TPTE2: variants seen among roughly 807,000 people sequenced by gnomAD.
TPTE2 encodes transmembrane phosphoinositide 3-phosphatase and tensin homolog 2.
A neutral mutation model predicts 78.6 loss-of-function variants in TPTE2; 53 were observed. That is an observed-to-expected ratio of 0.67 (90% CI 0.54 to 0.85). The LOEUF is 0.85. Among genes scored for constraint, TPTE2 ranks in the 40% least tolerant of loss-of-function variants. The pLI, the probability that TPTE2 is intolerant of heterozygous loss-of-function variation, is 0.00. For synonymous variants in TPTE2, 175 were observed against 206.2 expected (o/e 0.85, Z 1.30); for missense variants, 461 against 623.0 (o/e 0.74, Z 2.77).
intron 1 of TPTE2, among the ~76,000 whole-genome samples, chr13:19,502,433 T>A (rs1868651528): frequency 6.6e-6 from 1 of 150,862 alleles, no homozygotes; most frequent in South Asian, 2.1e-4. Flanking sequence ...ATTAAGAAAA[T>A]GTGGCACATA....
chr13:19,444,279 C>T (rs4391911), intron 13 of TPTE2, among the ~76,000 whole-genome samples: 124,608 of 133,800 alleles, frequency 0.93, 58,216 homozygotes, highest in East Asian at 1. Flanking sequence ...TGCACTCCAG[C>T]CTGGGTGACA....
At chr13:19,436,330 C>T (rs1299040134) in intron 14 of TPTE2, 24 bp from the exon 18 acceptor site, 9 of 1,600,810 alleles carry the variant, frequency 5.6e-6, no homozygotes, top group African/African-American at 1.3e-5. Flanking sequence ...TACAATCCAA[C>T]CATGGTTCAT....
intron 1 of TPTE2, among the ~76,000 whole-genome samples, chr13:19,532,226 T>C (rs1870928984): frequency 6.6e-6 from 1 of 152,204 alleles, no homozygotes; most frequent in Non-Finnish European, 1.5e-5. Flanking sequence ...TTGTCTTTTA[T>C]ACCTGCTATG....
At chr13:19,448,265 G>A (rs1034049758) in intron 13 of TPTE2, among the ~76,000 whole-genome samples, 4 of 152,158 alleles carry the variant, frequency 2.6e-5, no homozygotes, top group African/African-American at 9.7e-5. Context: ...ATTGGTCTGG[G>A]CCAAGATATT....
At chr13:19,504,554 T>C (rs539204763), upstream of TPTE2, among the ~76,000 whole-genome samples, 21 of 152,248 alleles carry the variant, frequency 1.4e-4, no homozygotes, top group East Asian at 4.0e-3. Flanking sequence ...TTGCTCTGCA[T>C]AGGGTTTTCT....
chr13:19,443,397 C>CTTTTTTTTTTTTTTTTTCT (rs71092357), intron 13 of TPTE2, among the ~76,000 whole-genome samples: 1 of 129,910 alleles, frequency 7.7e-6, no homozygotes, highest in Non-Finnish European at 1.6e-5. Flanking sequence ...TTCTTTCTTT[C>CTTTTTTTTTTTTTTTTTCT]TTTTTTTTTT....
At chr13:19,459,210 G>A (rs1006095302) in intron 10 of TPTE2, among the ~76,000 whole-genome samples, 2 of 152,058 alleles carry the variant, frequency 1.3e-5, no homozygotes, top group Non-Finnish European at 2.9e-5. Flanking sequence ...TTGACTGCAT[G>A]CATGTCTCTT....
intron 10 of TPTE2, among the ~76,000 whole-genome samples, chr13:19,452,948 ATTT>A (rs555664678): frequency 6.7e-6 from 1 of 148,250 alleles, no homozygotes; most frequent in Non-Finnish European, 1.5e-5. Flanking sequence ...TGTCCTTCAT[ATTT>A]TTTTATTTTA....
chr13:19,470,056 G>A (rs1281127183), intron 6 of TPTE2, among the ~76,000 whole-genome samples: 1 of 151,698 alleles, frequency 6.6e-6, no homozygotes, highest in Non-Finnish European at 1.5e-5. Flanking sequence ...TAGGACTTCC[G>A]GTACTATGTT....
intron 1 of TPTE2, among the ~76,000 whole-genome samples, chr13:19,515,939 G>T (rs1869763742): frequency 6.6e-6 from 1 of 152,232 alleles, no homozygotes; most frequent in African/African-American, 2.4e-5. Context: ...GACATCCATA[G>T]ATGTGAACTC....
chr13:19,502,542 G>A (rs369892685), intron 1 of TPTE2, among the ~76,000 whole-genome samples: 11 of 148,924 alleles, frequency 7.4e-5, no homozygotes, highest in African/African-American at 2.7e-4. Flanking sequence ...GTAAACTATC[G>A]CAAGAACAAA....
At chr13:19,473,984 A>C in exon 6 of TPTE2, 1 of 1,609,150 alleles carries the variant, frequency 6.2e-7, no homozygotes, top group Non-Finnish European at 8.5e-7. Flanking sequence ...ATAGAACGAT[A>C]CTCCAAAGGA....
At chr13:19,459,026 C>T (rs1296697861) in intron 10 of TPTE2, among the ~76,000 whole-genome samples, 1 of 151,738 alleles carries the variant, frequency 6.6e-6, no homozygotes, top group African/African-American at 2.4e-5. Context: ...AACTAATTTA[C>T]ACACCCACCA....
intron 3 of TPTE2, among the ~76,000 whole-genome samples, chr13:19,492,529 C>G (rs1243257376): frequency 1.3e-5 from 2 of 152,152 alleles, no homozygotes; most frequent in Non-Finnish European, 2.9e-5. Flanking sequence ...GAAGAAGCAG[C>G]TCTCCTACGA....
chr13:19,460,975 T>A (rs1356070439), intron 10 of TPTE2, among the ~76,000 whole-genome samples: 1 of 152,194 alleles, frequency 6.6e-6, no homozygotes, highest in Non-Finnish European at 1.5e-5. Context: ...TGGTAGACTA[T>A]CAAAAACTGC....
At chr13:19,503,443 C>G (rs1262533824), upstream of TPTE2, among the ~76,000 whole-genome samples, 3 of 152,188 alleles carry the variant, frequency 2.0e-5, no homozygotes, top group African/African-American at 7.2e-5. Context: ...AGAAAGGAGG[C>G]AACCAACAAG....
intron 3 of TPTE2, among the ~76,000 whole-genome samples, chr13:19,484,112 C>T (rs145092972): frequency 2.0e-5 from 3 of 152,286 alleles, no homozygotes; most frequent in Admixed American, 6.5e-5. Flanking sequence ...TAAAAACATA[C>T]TTCTCAATAA....
intron 2 of TPTE2, 149 bp from the exon 6 acceptor site, chr13:19,493,052 AGGGTG>A: frequency 9.1e-7 from 1 of 1,095,608 alleles, no homozygotes; most frequent in Non-Finnish European, 1.3e-6. Context: ...GTAGGAACTA[AGGGTG>A]GCAATTACAC....
the TPTE2 span, among the ~76,000 whole-genome samples, chr13:19,545,205 AG>A: frequency 6.6e-6 from 1 of 152,304 alleles, no homozygotes; most frequent in South Asian, 2.1e-4. Flanking sequence ...TCTCTGTAAA[AG>A]GGGAAGACAA....
Sources: gnomAD v4.1 joint callset for allele counts (sites outside exome capture counted in the v4.1 genomes callset) on GRCh38, gnomAD v4.1.1 for gene constraint, MANE v1.5 for transcripts, NCBI Gene and HGNC (gene_info 2026-07-23, HGNC 2026-07-21) for gene names.